NEK10: variants seen among roughly 807,000 people sequenced by gnomAD.
NEK10 encodes the protein NIMA related kinase 10.
NEK10 carries 122 observed loss-of-function variants against 159.8 expected under a neutral mutation model. That is an observed-to-expected ratio of 0.76 (90% CI 0.66 to 0.89). The LOEUF is 0.89. Ranked by LOEUF, NEK10 falls within the 40% of genes least tolerant of loss-of-function variation. The pLI, the probability that NEK10 is intolerant of heterozygous loss-of-function variation, is 0.00. For synonymous variants in NEK10, 466 were observed against 457.1 expected, an observed-to-expected ratio of 1.02 and a Z score of -0.25; for missense variants, 1,342 against 1,323.1, an observed-to-expected ratio of 1.01 and a Z score of -0.22.
intron 30 of NEK10, among the ~76,000 whole-genome samples, chr3:27,161,091 T>G (rs956879490): frequency 6.6e-6 from 1 of 152,192 alleles, no homozygotes; most frequent in African/African-American, 2.4e-5. Flanking sequence ...CGACATAAAA[T>G]CAAGTCTTGC....
In NEK10 at chr3:27,129,951, A is replaced by G. The variant is rs140396660; in HGVS notation, c.3081+1929T>C. Among the ~76,000 whole-genome samples, 68 of 152,112 alleles carry G rather than the reference A, an allele frequency of 4.5e-4. 1 individual carries two copies. In the East Asian group the frequency reaches 0.011, roughly 25 times the overall value. ...GTGGTAAAGAATAGGAAGTGTTTTA[A>G]TATCCCAAGCTGAGGATTTCTTTAG... On this transcript the variant is annotated intron_variant, in intron 32 of 35. Coordinates refer to ENST00000691995, the MANE Select transcript of NEK10 (RefSeq NM_001394966.1).
rs10510594 is a variant in NEK10, at chr3:27,284,960, A to G, written c.1791T>C (p.Asn597=). The change falls in exon 21 of 36, where the codon AAT becomes AAC. Residue 597 remains asparagine, a splice_region_variant and synonymous_variant. Coordinates refer to ENST00000691995, the MANE Select transcript of NEK10 (RefSeq NM_001394966.1). ...IVRYYKTFLE[N]DRLYIVMELI... Reference sequence around the variant, plus strand: ...GCTCCATAACTATGTACAACCTATCATCTATATAAATATCACAAAAGGTCA... The same window carrying G: ...GCTCCATAACTATGTACAACCTATCGTCTATATAAATATCACAAAAGGTCA... 0.26 allele frequency: 405,847 copies of G among 1,586,054 alleles called. 54,845 individuals carry two copies. The highest frequency in any genetic ancestry group is 0.4 in the Middle Eastern group (2,350 of 5,912).
At chr3:27,237,396 T>C (rs140758353) in intron 23 of NEK10, among the ~76,000 whole-genome samples, 3,899 of 152,264 alleles carry the variant, frequency 0.026, 166 homozygotes, top group African/African-American at 0.089. Flanking sequence ...TAAATGTCCA[T>C]GAAATCTTCA....
At chr3:27,212,811 G>C (rs1345823757) in intron 23 of NEK10, among the ~76,000 whole-genome samples, 1 of 152,188 alleles carries the variant, frequency 6.6e-6, no homozygotes, top group East Asian at 1.9e-4. Context: ...AAGATACTGA[G>C]GCCAGGGCCA....
At chr3:27,311,847 A>G (rs878884801) in intron 8 of NEK10, 1 of 422,506 alleles carries the variant, frequency 2.4e-6, no homozygotes, top group African/African-American at 2.0e-5. Flanking sequence ...GATTTTACCA[A>G]AATTTGCTTT....
chr3:27,197,859 C>T lies in NEK10; in HGVS notation c.2291+3651G>A, dbSNP rs747924641. 9.9e-5 allele frequency among the ~76,000 whole-genome samples: 15 copies of T among 151,434 alleles called. No homozygotes were observed. In the South Asian group the frequency reaches 1.7e-3, roughly 17 times the overall value. ...ATGTGCACAACGTGCAGGTTAGTTA[C>T]ATACGTATACATGTGCCATATTGGT... is the stretch of plus-strand genomic sequence containing the variant. On this transcript the variant is annotated intron_variant, in intron 25 of 35. Coordinates refer to ENST00000691995, the MANE Select transcript of NEK10 (RefSeq NM_001394966.1).
intron 30 of NEK10, among the ~76,000 whole-genome samples, chr3:27,157,973 T>C (rs1945650091): frequency 6.6e-6 from 1 of 152,166 alleles, no homozygotes; most frequent in South Asian, 2.1e-4. Flanking sequence ...AATTATAGTA[T>C]ATATATTTTT....
chr3:27,330,190 C>T (rs2046301332), intron 5 of NEK10, among the ~76,000 whole-genome samples: 1 of 151,946 alleles, frequency 6.6e-6, no homozygotes, highest in Non-Finnish European at 1.5e-5. Context: ...ACCTAAAATA[C>T]CCTAGATAAT....
intron 30 of NEK10, among the ~76,000 whole-genome samples, chr3:27,162,109 T>C (rs1178139905): frequency 2.0e-5 from 3 of 152,234 alleles, no homozygotes; most frequent in Non-Finnish European, 4.4e-5. Flanking sequence ...TCATTCTACA[T>C]GTATCATGTA....
chr3:27,316,760 A>ACTGC (rs2045217954), intron 6 of NEK10, among the ~76,000 whole-genome samples: 5 of 144,656 alleles, frequency 3.5e-5, no homozygotes, highest in Admixed American at 7.2e-5. Context: ...CAGTGGATGG[A>ACTGC]ATTAGGCATT....
intron 23 of NEK10, among the ~76,000 whole-genome samples, chr3:27,243,732 C>CCA (rs939570404): frequency 6.6e-6 from 1 of 152,084 alleles, no homozygotes; most frequent in Non-Finnish European, 1.5e-5. Context: ...GCTGGGAGGT[C>CCA]CCTGTTCTAC....
chr3:27,334,639 T>C (rs181565602), intron 5 of NEK10, among the ~76,000 whole-genome samples: 16 of 152,288 alleles, frequency 1.1e-4, no homozygotes, highest in Admixed American at 3.9e-4. Context: ...ACACTGTTTA[T>C]AGAGAAAGAA....
At chr3:27,282,677 C>T (rs1422535301) in intron 22 of NEK10, among the ~76,000 whole-genome samples, 2 of 128,984 alleles carry the variant, frequency 1.6e-5, no homozygotes, top group Admixed American at 7.8e-5. Flanking sequence ...ATATACATAA[C>T]TGTGTTATAT....
intron 29 of NEK10, among the ~76,000 whole-genome samples, chr3:27,163,299 G>C (rs572869319): frequency 9.2e-5 from 14 of 151,954 alleles, no homozygotes; most frequent in Non-Finnish European, 1.9e-4. Flanking sequence ...GACCCCACCA[G>C]GGATATCTGT....
intron 5 of NEK10, among the ~76,000 whole-genome samples, chr3:27,333,769 G>A (rs184501783): frequency 1.1e-3 from 162 of 151,916 alleles, no homozygotes; most frequent in African/African-American, 3.6e-3. Flanking sequence ...AACAGAGTAT[G>A]CACTATCCTG....
At chr3:27,252,222 C>A (rs1330435678) in intron 23 of NEK10, 1 of 504,016 alleles carries the variant, frequency 2.0e-6, no homozygotes, top group Non-Finnish European at 4.0e-6. Context: ...CAGGTAGAGG[C>A]AAGACTATGA....
rs145358183 is a variant in NEK10 at position 27,264,373 on chromosome 3, C to G, written c.2015-8002G>C. ...CTACAGAACAAGAGCCTCATGAACA[C>G]AGACACAAAAATTATTGACAAAATG... On this transcript the variant is annotated intron_variant, in intron 22 of 35. Coordinates refer to ENST00000691995, the MANE Select transcript of NEK10 (RefSeq NM_001394966.1). 6.1e-4 allele frequency among the ~76,000 whole-genome samples: 93 copies of G among 152,262 alleles called. 1 individual carries two copies. Among genetic ancestry groups the G allele is most frequent in the African/African-American group, 2.1e-3 (89 of 41,542 alleles).
intron 29 of NEK10, among the ~76,000 whole-genome samples, chr3:27,163,913 TAA>T (rs1364401775): frequency 2.0e-5 from 3 of 152,184 alleles, no homozygotes; most frequent in Non-Finnish European, 2.9e-5. Flanking sequence ...AACACCTACC[TAA>T]GTTATTAAGC....
At chr3:27,154,236 C>G (rs551664659) in intron 30 of NEK10, among the ~76,000 whole-genome samples, 77 of 152,256 alleles carry the variant, frequency 5.1e-4, no homozygotes, top group African/African-American at 1.8e-3. Flanking sequence ...ATACAACCTC[C>G]TAGCTTAAAT....
Sources: gnomAD v4.1 joint callset for allele counts (sites outside exome capture counted in the v4.1 genomes callset) on GRCh38, gnomAD v4.1.1 for gene constraint, MANE v1.5 for transcripts, NCBI Gene and HGNC (gene_info 2026-07-23, HGNC 2026-07-21) for gene names.